Variants in NAA15 observed in about 807,000 individuals in gnomAD.
The protein encoded by NAA15 is N-alpha-acetyltransferase 15, NatA auxiliary subunit.
Under a neutral mutation model 114.0 loss-of-function variants are expected in NAA15, and 34 were observed. The observed-to-expected ratio is 0.30, with a 90% CI of 0.23 to 0.40. NAA15 has a LOEUF of 0.40. NAA15 is among the 10% of genes least tolerant of loss of function. The pLI is 1.00. For synonymous variants in NAA15, 340 were observed against 338.0 expected (o/e 1.01, Z -0.06); for missense variants, 658 against 1,004.5 (o/e 0.66, Z 4.66).
At chr4:139,316,908 T>C (rs960121133) in intron 1 of NAA15, among the ~76,000 whole-genome samples, 3 of 151,436 alleles carry the variant, frequency 2.0e-5, no homozygotes, top group Non-Finnish European at 4.4e-5. Context: ...ACTTCCTTTT[T>C]TTCCTTTATC....
chr4:139,326,725 G>T (rs1042935551), intron 1 of NAA15, among the ~76,000 whole-genome samples: 1 of 152,268 alleles, frequency 6.6e-6, no homozygotes, highest in South Asian at 2.1e-4. Flanking sequence ...ATGAGGCCTA[G>T]ATTTCCTTTT....
At chr4:139,324,708 G>A (rs1299731379) in intron 1 of NAA15, among the ~76,000 whole-genome samples, 1 of 152,206 alleles carries the variant, frequency 6.6e-6, no homozygotes, top group Non-Finnish European at 1.5e-5. Context: ...GAGGCAGGGG[G>A]ATCACCAGAG....
chr4:139,309,507 C>T (rs1465915508), intron 1 of NAA15, among the ~76,000 whole-genome samples: 1 of 151,494 alleles, frequency 6.6e-6, no homozygotes, highest in Non-Finnish European at 1.5e-5. Flanking sequence ...TAGTCCTGAG[C>T]TCAGGTGATC....
At chr4:139,362,977 T>A (rs1748176953) in intron 14 of NAA15, among the ~76,000 whole-genome samples, 1 of 152,222 alleles carries the variant, frequency 6.6e-6, no homozygotes, top group Non-Finnish European at 1.5e-5. Flanking sequence ...GCTTTTGAAT[T>A]ATTTTGCTAA....
chr4:139,314,632 T>A (rs1309661538), intron 1 of NAA15, among the ~76,000 whole-genome samples: 1 of 151,904 alleles, frequency 6.6e-6, no homozygotes, highest in Non-Finnish European at 1.5e-5. Flanking sequence ...CCACTGCCAC[T>A]AAATGAAAAC....
At position 139,386,234 on chromosome 4, in the gene NAA15, A is replaced by C. The variant is rs1748906904; in HGVS notation, c.2400+4A>C. ...TCTCACTAACAGAAACCTCCAGGTAAAGAGTTTTTCATAATCTCTCTGTAA... is the reference window on the plus strand; with the variant it reads ...TCTCACTAACAGAAACCTCCAGGTACAGAGTTTTTCATAATCTCTCTGTAA... On this transcript the variant is annotated splice_donor_region_variant and intron_variant, in intron 19 of 19. Transcript: ENST00000296543. 1 of 1,553,896 alleles carries C rather than the reference A, an allele frequency of 6.4e-7. No individual in the cohort carries two copies. Among genetic ancestry groups the C allele is most frequent in the Admixed American group, 1.7e-5 (1 of 57,602 alleles).
intron 1 of NAA15, among the ~76,000 whole-genome samples, chr4:139,328,987 A>G (rs1247053769): frequency 1.3e-5 from 2 of 150,698 alleles, no homozygotes; most frequent in African/African-American, 2.4e-5. Context: ...ATCCTGCCTC[A>G]GCCTCCCAAG....
intron 7 of NAA15, among the ~76,000 whole-genome samples, chr4:139,350,309 G>A (rs887860113): frequency 5.9e-5 from 9 of 152,154 alleles, no homozygotes; most frequent in African/African-American, 2.2e-4. Flanking sequence ...TGACAGAAAC[G>A]GAGATATATT....
At chr4:139,302,893 C>T (rs2110808134) in intron 1 of NAA15, among the ~76,000 whole-genome samples, 1 of 152,310 alleles carries the variant, frequency 6.6e-6, no homozygotes, top group South Asian at 2.1e-4. Context: ...TGGGTTCCCC[C>T]TTTCACGCAA....
At chr4:139,307,690 G>A (rs1464462833) in intron 1 of NAA15, among the ~76,000 whole-genome samples, 2 of 152,180 alleles carry the variant, frequency 1.3e-5, no homozygotes, top group Non-Finnish European at 2.9e-5. Context: ...TTTGGACACA[G>A]CATGCTTTAT....
chr4:139,338,742 CT>C (rs1180746530), intron 3 of NAA15, among the ~76,000 whole-genome samples: 9 of 152,184 alleles, frequency 5.9e-5, no homozygotes, highest in African/African-American at 2.2e-4. Context: ...GCCACCATGC[CT>C]GGCCAACATT....
At chr4:139,355,956 T>A (rs1397239873) in intron 10 of NAA15, among the ~76,000 whole-genome samples, 1 of 152,252 alleles carries the variant, frequency 6.6e-6, no homozygotes, top group Non-Finnish European at 1.5e-5. Context: ...TGTTTCAGTT[T>A]ACATAGGAAA....
intron 13 of NAA15, 96 bp downstream of exon 13, chr4:139,360,724 ATAG>A: frequency 3.7e-6 from 4 of 1,090,786 alleles, no homozygotes; most frequent in Non-Finnish European, 4.9e-6. Flanking sequence ...TTTATAATTC[ATAG>A]TAGGTGCTTT....
At chr4:139,383,872 A>G (rs535435532) in intron 17 of NAA15, among the ~76,000 whole-genome samples, 2 of 152,302 alleles carry the variant, frequency 1.3e-5, no homozygotes, top group South Asian at 4.1e-4. Flanking sequence ...GACATCAACC[A>G]TGTTTTCTTT....
chr4:139,326,238 T>C (rs1746796625), intron 1 of NAA15, among the ~76,000 whole-genome samples: 1 of 152,198 alleles, frequency 6.6e-6, no homozygotes, highest in Non-Finnish European at 1.5e-5. Flanking sequence ...GTTCAGATTC[T>C]TTTTCCATCA....
At chr4:139,371,840 A>G (rs1748448555) in intron 15 of NAA15, among the ~76,000 whole-genome samples, 1 of 152,038 alleles carries the variant, frequency 6.6e-6, no homozygotes, top group Non-Finnish European at 1.5e-5. Flanking sequence ...TTGTCTACTT[A>G]CTTTTCCCTT....
intron 1 of NAA15, among the ~76,000 whole-genome samples, chr4:139,331,560 C>T (rs1326615189): frequency 1.3e-5 from 2 of 151,738 alleles, no homozygotes; most frequent in Non-Finnish European, 2.9e-5. Context: ...GATTCTCCTG[C>T]CTCAGCCTCC....
chr4:139,381,639 G>T (rs1748758508), intron 17 of NAA15, among the ~76,000 whole-genome samples: 2 of 151,534 alleles, frequency 1.3e-5, no homozygotes, highest in South Asian at 4.2e-4. Context: ...CACTTACTCG[G>T]TTGTACTATA....
intron 14 of NAA15, among the ~76,000 whole-genome samples, chr4:139,366,017 G>T (rs1315315414): frequency 6.3e-5 from 7 of 111,730 alleles, no homozygotes; most frequent in Non-Finnish European, 7.1e-5. Flanking sequence ...GTCTCTATTA[G>T]AATTTTTTTT....
Sources: allele counts gnomAD v4.1 joint callset (sites outside exome capture counted in the v4.1 genomes callset), GRCh38; gene constraint gnomAD v4.1.1; transcripts MANE v1.5; gene names NCBI Gene and HGNC (gene_info 2026-07-23, HGNC 2026-07-21).